The following TRMT11 variants were observed in gnomAD, a reference collection of about 807,000 sequenced individuals.
TRMT11 encodes the protein tRNA methyltransferase 11, also known as tRNA (guanine(10)-N(2))-methyltransferase TRMT11.
In TRMT11, 53 loss-of-function variants were observed where a neutral mutation model predicts 62.8. The ratio of observed to expected loss-of-function variants is 0.84; its 90% confidence interval spans 0.68 to 1.06. The LOEUF (loss-of-function observed/expected upper bound fraction) is 1.06, where lower values mean the gene tolerates loss of function less well. TRMT11 is among the 50% of genes least tolerant of loss of function. The pLI, the probability that TRMT11 is intolerant of heterozygous loss-of-function variation, is 0.00. For missense variants in TRMT11, 556 were observed against 553.4 expected (o/e 1.00, Z -0.05); for synonymous variants, 188 against 190.3 (o/e 0.99, Z 0.10).
chr6:126,167,342 TAA>T (rs1415379043), intron 21 of TRMT11, among the ~76,000 whole-genome samples: 1 of 152,198 alleles, frequency 6.6e-6, no homozygotes, highest in Non-Finnish European at 1.5e-5. Flanking sequence ...GCACAGTCCC[TAA>T]CAGCTTCCCT....
chr6:126,242,801 T>C, the TRMT11 span, among the ~76,000 whole-genome samples: 1 of 152,196 alleles, frequency 6.6e-6, no homozygotes, highest in Non-Finnish European at 1.5e-5. Flanking sequence ...GACTAAAGAC[T>C]TAAATGTTAG....
At chr6:126,162,485 T>A (rs895858259) in intron 21 of TRMT11, among the ~76,000 whole-genome samples, 5 of 152,240 alleles carry the variant, frequency 3.3e-5, no homozygotes, top group African/African-American at 1.2e-4. Flanking sequence ...TAGTTTGAAG[T>A]CAGCTAGTGT....
chr6:126,151,879 TC>T (rs1275078421), intron 21 of TRMT11, among the ~76,000 whole-genome samples: 9 of 104,266 alleles, frequency 8.6e-5, no homozygotes, highest in Admixed American at 3.5e-4. Flanking sequence ...TCTTTCTCCT[TC>T]CTTCCTTGTC....
At chr6:126,000,931 GT>G (rs1349378376) in intron 7 of TRMT11, among the ~76,000 whole-genome samples, 8 of 152,100 alleles carry the variant, frequency 5.3e-5, no homozygotes, top group Non-Finnish European at 1.2e-4. Flanking sequence ...AAGAATAAAA[GT>G]AGGACAAAGA....
chr6:126,015,047 C>T (rs1328474275), intron 11 of TRMT11, among the ~76,000 whole-genome samples: 12 of 149,654 alleles, frequency 8.0e-5, no homozygotes, highest in Non-Finnish European at 1.2e-4. Flanking sequence ...CAACAAGCTA[C>T]TTGCTTTTTG....
intron 1 of TRMT11, among the ~76,000 whole-genome samples, chr6:126,190,926 CATACTTATT>C (rs1286481840): frequency 6.6e-6 from 1 of 152,100 alleles, no homozygotes; most frequent in Non-Finnish European, 1.5e-5. Context: ...ATCTCTTCAA[CATACTTATT>C]TCCTTTCTTT....
chr6:126,135,706 T>A, intron 21 of TRMT11, among the ~76,000 whole-genome samples: 1 of 151,598 alleles, frequency 6.6e-6, no homozygotes, highest in East Asian at 1.9e-4. Context: ...CAAGCCAGTA[T>A]CCCTGATGAA....
intron 17 of TRMT11, among the ~76,000 whole-genome samples, chr6:126,096,067 A>C (rs74716042): frequency 3.9e-5 from 6 of 152,174 alleles, no homozygotes; most frequent in Non-Finnish European, 5.9e-5. Context: ...CAGAAAATGA[A>C]GAGCTAATTT....
chr6:126,100,388 A>G (rs1777384943), intron 17 of TRMT11, among the ~76,000 whole-genome samples: 1 of 152,018 alleles, frequency 6.6e-6, no homozygotes, highest in African/African-American at 2.4e-5. Context: ...CTTATTTCTC[A>G]TTTCTTATTC....
chr6:126,239,428 G>C, the TRMT11 span, among the ~76,000 whole-genome samples: 2 of 152,088 alleles, frequency 1.3e-5, no homozygotes, highest in South Asian at 4.1e-4. Context: ...CTCAGCATTT[G>C]CTTGTCTATA....
chr6:126,085,216 T>G (rs1407065250), intron 17 of TRMT11, among the ~76,000 whole-genome samples: 1 of 152,198 alleles, frequency 6.6e-6, no homozygotes, highest in Non-Finnish European at 1.5e-5. Context: ...AACTTTAATT[T>G]GTCAATTATA....
chr6:126,231,392 G>T, the TRMT11 span, among the ~76,000 whole-genome samples: 1 of 152,092 alleles, frequency 6.6e-6, no homozygotes, highest in Non-Finnish European at 1.5e-5. Context: ...AAACCATGTA[G>T]CATTTTTAGT....
the TRMT11 span, among the ~76,000 whole-genome samples, chr6:126,230,346 C>G: frequency 6.6e-6 from 1 of 152,204 alleles, no homozygotes; most frequent in South Asian, 2.1e-4. Context: ...TCAGGTGTTT[C>G]TCATTGAAAA....
Position 126,145,395 on chromosome 6 carries a change from C to T in TRMT11, c.*1824-29430C>T, listed in dbSNP as rs552606267. On this transcript the variant is annotated intron_variant and NMD_transcript_variant, in intron 21 of 22. Coordinates refer to the TRMT11 transcript ENST00000648977. Reference sequence around the variant, plus strand: ...ATGCAGGAGCCAAATTGGAAAAGAACGACAGAGAACGCTGGACTAGCAGGT... The same window carrying T: ...ATGCAGGAGCCAAATTGGAAAAGAATGACAGAGAACGCTGGACTAGCAGGT... Among the ~76,000 whole-genome samples the T allele has an allele frequency of 3.3e-5, 5 of 152,200 alleles. No individual in the cohort carries two copies. In the South Asian group the frequency reaches 6.2e-4, roughly 19 times the overall value.
At chr6:126,019,176 A>G (rs1795441110) in intron 11 of TRMT11, among the ~76,000 whole-genome samples, 1 of 152,220 alleles carries the variant, frequency 6.6e-6, no homozygotes, top group Non-Finnish European at 1.5e-5. Flanking sequence ...CACCACGCCC[A>G]GCTGAAGAAT....
chr6:126,210,081 G>A, the TRMT11 span, among the ~76,000 whole-genome samples: 83 of 152,316 alleles, frequency 5.4e-4, no homozygotes, highest in African/African-American at 1.9e-3. Flanking sequence ...CTTTTGAGTA[G>A]CAAAGATGGA....
intron 21 of TRMT11, among the ~76,000 whole-genome samples, chr6:126,168,375 T>C (rs779230157): frequency 9.2e-5 from 14 of 152,154 alleles, no homozygotes; most frequent in Non-Finnish European, 1.6e-4. Context: ...ATGTCATTGG[T>C]GAATGGAAAG....
At chr6:126,157,099 A>G (rs1054322489) in intron 21 of TRMT11, among the ~76,000 whole-genome samples, 5 of 152,106 alleles carry the variant, frequency 3.3e-5, no homozygotes, top group Admixed American at 1.3e-4. Context: ...CCCCAAACCT[A>G]CATCACTGCT....
chr6:126,152,990 G>T (rs1056281598), intron 21 of TRMT11, among the ~76,000 whole-genome samples: 2 of 152,118 alleles, frequency 1.3e-5, no homozygotes, highest in Non-Finnish European at 2.9e-5. Context: ...TTTCTTACAC[G>T]CTCAGATACT....
Sources: gnomAD v4.1 joint callset for allele counts (sites outside exome capture counted in the v4.1 genomes callset) on GRCh38, gnomAD v4.1.1 for gene constraint, MANE v1.5 for transcripts, NCBI Gene and HGNC (gene_info 2026-07-23, HGNC 2026-07-21) for gene names.